The following DCHS2 variants were observed in gnomAD, a reference collection of about 807,000 sequenced individuals.
The protein encoded by DCHS2 is dachsous cadherin-related 2.
DCHS2 carries 142 observed loss-of-function variants against 182.4 expected under a neutral mutation model. The ratio of observed to expected loss-of-function variants is 0.78; its 90% CI spans 0.68 to 0.89. DCHS2 has a LOEUF of 0.89. DCHS2 is among the 40% of genes least tolerant of loss of function. The pLI is 0.00. For missense variants in DCHS2, 4,319 were observed against 4,198.6 expected, an observed-to-expected ratio of 1.03 and a Z score of -0.79; for synonymous variants, 1,740 against 1,663.3, an observed-to-expected ratio of 1.05 and a Z score of -1.12.
chr4:154,396,058 TAGG>T (rs974746350), intron 1 of DCHS2, among the ~76,000 whole-genome samples: 1 of 152,182 alleles, frequency 6.6e-6, no homozygotes, highest in African/African-American at 2.4e-5. Flanking sequence ...ATCCTGAGTT[TAGG>T]AGAAGAAATT....
At chr4:154,249,065 C>A (rs1405100284) in intron 16 of DCHS2, among the ~76,000 whole-genome samples, 2 of 151,900 alleles carry the variant, frequency 1.3e-5, no homozygotes, top group Non-Finnish European at 2.9e-5. Context: ...GCAATTGTAA[C>A]AAAAAACAAA....
At chr4:154,438,158 A>T (rs577962686) in intron 1 of DCHS2, among the ~76,000 whole-genome samples, 2 of 152,228 alleles carry the variant, frequency 1.3e-5, no homozygotes, top group Non-Finnish European at 2.9e-5. Flanking sequence ...ACCTAATCAA[A>T]TGGTCATCCT....
At chr4:154,482,567 A>G (rs1579124162) in intron 1 of DCHS2, among the ~76,000 whole-genome samples, 1 of 152,226 alleles carries the variant, frequency 6.6e-6, no homozygotes, top group South Asian at 2.1e-4. Flanking sequence ...AAGTGAGCGA[A>G]AAAGACCCTC....
intron 14 of DCHS2, chr4:154,261,998 A>G (rs1479931313): frequency 6.6e-6 from 1 of 152,230 alleles, no homozygotes; most frequent in African/African-American, 2.4e-5. Flanking sequence ...AGGTGGGTCC[A>G]CAGCTCTCAC....
intron 7 of DCHS2, chr4:154,323,427 G>T (rs904535950): frequency 1.3e-6 from 2 of 1,488,746 alleles, no homozygotes; most frequent in Non-Finnish European, 1.8e-6. Flanking sequence ...GTTCAGGGTC[G>T]CAAGCTATCC....
At chr4:154,262,396 G>C (rs980704183) in intron 14 of DCHS2, among the ~76,000 whole-genome samples, 3 of 152,200 alleles carry the variant, frequency 2.0e-5, no homozygotes, top group African/African-American at 7.2e-5. Context: ...CATCAAGCGT[G>C]TACTGTCATC....
At position 154,236,546 on chromosome 4, in the gene DCHS2, G is replaced by C; in HGVS notation, c.8106C>G (p.Tyr2702Ter). The change falls in exon 20 of 20, where the codon TAC becomes TAG. Residue 2702 changes from tyrosine (Y) to a stop codon, truncating the protein, a stop_gained. Transcript: ENST00000357232. LOFTEE classifies it low-confidence loss of function (END_TRUNC). ...CCTTCTCATTTCCAGAGATGATGTT[G>C]TAGATGATTTCTGCATGTGACCCTG... The part of the protein sequence containing the change: ...RDTGSHAEII[Y>*]NIISGNEKGH... 1 of 1,613,978 alleles carries C rather than the reference G, an allele frequency of 6.2e-7. No homozygotes were observed. Among genetic ancestry groups the C allele is most frequent in the Admixed American group, 1.7e-5 (1 of 60,016 alleles).
chr4:154,280,762 A>T (rs993981221), intron 13 of DCHS2, among the ~76,000 whole-genome samples: 1 of 152,132 alleles, frequency 6.6e-6, no homozygotes, highest in Admixed American at 6.6e-5. Context: ...AGCTAACACA[A>T]CACTCAACAG....
chr4:154,289,211 G>T (rs1296194789), intron 13 of DCHS2, among the ~76,000 whole-genome samples: 2 of 151,868 alleles, frequency 1.3e-5, no homozygotes, highest in Non-Finnish European at 2.9e-5. Flanking sequence ...CAGAAGAAAA[G>T]GGAGAAGACC....
chr4:154,400,735 G>A (rs1026089459), intron 1 of DCHS2, among the ~76,000 whole-genome samples: 12 of 152,188 alleles, frequency 7.9e-5, no homozygotes, highest in Middle Eastern at 3.4e-3. Context: ...TCACACTCAT[G>A]CTAGCTACAA....
intron 1 of DCHS2, among the ~76,000 whole-genome samples, chr4:154,396,942 C>A (rs1560733752): frequency 6.6e-6 from 1 of 152,108 alleles, no homozygotes; most frequent in East Asian, 1.9e-4. Flanking sequence ...ATATCCTAAA[C>A]CTTCCTGATA....
At chr4:154,308,090 T>A (rs1421332015) in intron 10 of DCHS2, among the ~76,000 whole-genome samples, 1 of 152,108 alleles carries the variant, frequency 6.6e-6, no homozygotes, top group East Asian at 1.9e-4. Flanking sequence ...GTGGCCAAAT[T>A]TCTTTTGAAA....
At chr4:154,372,635 GA>G (rs1235302119) in intron 2 of DCHS2, among the ~76,000 whole-genome samples, 1 of 152,082 alleles carries the variant, frequency 6.6e-6, no homozygotes, top group African/African-American at 2.4e-5. Context: ...ATGGGAAAAG[GA>G]AACAAAAAAT....
At chr4:154,295,959 TAC>T (rs1374474246) in intron 13 of DCHS2, among the ~76,000 whole-genome samples, 11 of 152,362 alleles carry the variant, frequency 7.2e-5, no homozygotes, top group African/African-American at 2.6e-4. Context: ...CAATAGTAAA[TAC>T]ATTTTACTAG....
chr4:154,320,659 A>G lies in DCHS2; in HGVS notation c.4740T>C (p.Ile1580=), dbSNP rs1736022984. 3 of 1,614,022 alleles carry G rather than the reference A, an allele frequency of 1.9e-6. No individual in the cohort carries two copies. The highest frequency in any genetic ancestry group is 2.5e-6 in the Non-Finnish European group (3 of 1,180,022). Residue 1580 remains isoleucine (I), a synonymous_variant, in exon 9 of 20, where the codon ATT becomes ATC. Transcript: ENST00000357232. ...CTGTTACTGTCAGGATGACAGTTGG[A>G]ATGCTTTCTCTGTCAAGACGGGACA... The part of the protein sequence containing the change: ...VTVSRLDRES[I]PTVILTVTAS...
chr4:154,244,768 C>T (rs912890755), intron 16 of DCHS2, among the ~76,000 whole-genome samples: 2 of 152,160 alleles, frequency 1.3e-5, no homozygotes, highest in Non-Finnish European at 2.9e-5. Flanking sequence ...AGAACAACCA[C>T]CTGAATCTCA....
chr4:154,399,006 C>T (rs1056830462), intron 1 of DCHS2, among the ~76,000 whole-genome samples: 2 of 152,136 alleles, frequency 1.3e-5, no homozygotes, highest in South Asian at 2.1e-4. Flanking sequence ...GGGAACAGTA[C>T]GATCAGCACG....
chr4:154,310,884 A>C (rs1322019709), intron 10 of DCHS2, among the ~76,000 whole-genome samples: 4 of 152,202 alleles, frequency 2.6e-5, no homozygotes, highest in Non-Finnish European at 5.9e-5. Context: ...GGATTGGCAA[A>C]CTACAGTCCA....
chr4:154,444,599 G>A (rs1463286746), intron 1 of DCHS2, among the ~76,000 whole-genome samples: 7 of 152,054 alleles, frequency 4.6e-5, no homozygotes, highest in Admixed American at 4.6e-4. Context: ...CCTCTTCACG[G>A]CTCTCCCTGC....
Sources: gnomAD v4.1 joint callset for allele counts (sites outside exome capture counted in the v4.1 genomes callset) on GRCh38, gnomAD v4.1.1 for gene constraint, MANE v1.5 for transcripts, NCBI Gene and HGNC (gene_info 2026-07-23, HGNC 2026-07-21) for gene names.